SPRYD7: variants seen among roughly 807,000 people sequenced by gnomAD.
SPRYD7 encodes SPRY domain containing 7.
Under a neutral mutation model 23.8 loss-of-function variants are expected in SPRYD7, and 14 were observed. That is an observed-to-expected ratio of 0.59 (90% confidence interval 0.39 to 0.92). The LOEUF (loss-of-function observed/expected upper bound fraction) is 0.92, where lower values mean the gene tolerates loss of function less well. SPRYD7 is among the 40% of genes least tolerant of loss of function. The pLI is 0.00. For synonymous variants in SPRYD7, 75 were observed against 84.9 expected (o/e 0.88, Z 0.64); for missense variants, 194 against 241.7 (o/e 0.80, Z 1.31).
rs768928591 is a variant in SPRYD7 at position 49,915,080 on chromosome 13, C to T, written c.574G>A (p.Glu192Lys). 1.3e-6 allele frequency: 2 copies of T among 1,550,522 alleles called. No homozygotes were observed. Among genetic ancestry groups the T allele is most frequent in the South Asian group, 2.5e-5 (2 of 80,266 alleles). ...AAATACATTCAGAAGATTTGCTGTT[C>T]AAATAATATTTTTTCAAAACCAGGT... ...PPPGFEKILF[E>K]QQIF The change falls in exon 5 of 5, where the codon GAA becomes AAA. Residue 192 changes from glutamate (E) to lysine (K), a missense_variant. Transcript: ENST00000361840.
Position 49,936,178 on chromosome 13 carries a change from T to A in SPRYD7, c.58A>T (p.Ile20Phe). ...RCCRDGGTGH[I>F]PLKEMPAVQL... ...ACGGCCGGCATCTCCTTCAGAGGGA[T>A]GTGGCCAGTCCCCCCGTCTCTGCAG... Residue 20 changes from isoleucine (I) to phenylalanine (F), a missense_variant, in exon 1 of 5, where the codon ATC (isoleucine) becomes TTC (phenylalanine). Ile to Phe is a conservative substitution (Grantham distance 21). Transcript: ENST00000361840. 6.2e-7 allele frequency: 1 copy of A among 1,609,892 alleles called. No individual in the cohort carries two copies. Among genetic ancestry groups the A allele is most frequent in the Non-Finnish European group, 8.5e-7 (1 of 1,179,000 alleles).
chr13:49,921,442 T>A (rs142177258), intron 4 of SPRYD7, 36 bp downstream of exon 4: 6 of 1,275,304 alleles, frequency 4.7e-6, no homozygotes, highest in Non-Finnish European at 6.9e-6. Flanking sequence ...CAAGTTAATA[T>A]GTATGTAATA....
intron 3 of SPRYD7, 95 bp downstream of exon 3, chr13:49,927,824 A>G: frequency 7.2e-7 from 1 of 1,382,138 alleles, no homozygotes. Flanking sequence ...CTGCTTTGGA[A>G]TTCAAACCAC....
intron 3 of SPRYD7, among the ~76,000 whole-genome samples, chr13:49,925,776 C>T (rs1955875956): frequency 6.6e-6 from 1 of 151,182 alleles, no homozygotes; most frequent in South Asian, 2.1e-4. Context: ...AGCGCCACTG[C>T]ACTCCAGCCT....
intron 2 of SPRYD7, 123 bp from the exon 3 acceptor site, chr13:49,928,208 T>C: frequency 1.2e-6 from 1 of 818,032 alleles, no homozygotes; most frequent in African/African-American, 1.7e-5. Flanking sequence ...TTTCTATTAC[T>C]CTTTTTAAAA....
chr13:49,920,003 G>A (rs1955800286), intron 4 of SPRYD7, among the ~76,000 whole-genome samples: 1 of 151,820 alleles, frequency 6.6e-6, no homozygotes, highest in African/African-American at 2.4e-5. Context: ...CTGGCTGATG[G>A]GTATATGAGG....
intron 4 of SPRYD7, among the ~76,000 whole-genome samples, chr13:49,918,933 CT>C (rs898546288): frequency 4.1e-4 from 62 of 150,534 alleles, no homozygotes; most frequent in African/African-American, 1.2e-3. Context: ...CCAGGCTGGT[CT>C]CAAACTCCTG....
chr13:49,932,261 T>C (rs116292972), intron 1 of SPRYD7, among the ~76,000 whole-genome samples: 1,740 of 152,290 alleles, frequency 0.011, 26 homozygotes, highest in African/African-American at 0.04. Flanking sequence ...CACATCTATG[T>C]TGAAATACCT....
chr13:49,920,832 G>A (rs1955809875), intron 4 of SPRYD7, among the ~76,000 whole-genome samples: 1 of 151,972 alleles, frequency 6.6e-6, no homozygotes, highest in South Asian at 2.1e-4. Flanking sequence ...GTGGTGGCAG[G>A]CACCTGTAAT....
At chr13:49,919,959 A>G (rs1955799899) in intron 4 of SPRYD7, among the ~76,000 whole-genome samples, 1 of 151,784 alleles carries the variant, frequency 6.6e-6, no homozygotes, top group Non-Finnish European at 1.5e-5. Context: ...TGTAGATGAA[A>G]CCCGATTGGT....
intron 4 of SPRYD7, among the ~76,000 whole-genome samples, chr13:49,916,381 A>G (rs1235592586): frequency 6.6e-6 from 1 of 152,192 alleles, no homozygotes; most frequent in African/African-American, 2.4e-5. Context: ...AAATGTAAAT[A>G]CTGGATTTGA....
chr13:49,915,847 A>G (rs531973340), intron 4 of SPRYD7, among the ~76,000 whole-genome samples: 1 of 152,368 alleles, frequency 6.6e-6, no homozygotes, highest in East Asian at 1.9e-4. Flanking sequence ...ACACAATGCT[A>G]CACTTCTCAG....
At chr13:49,917,957 C>T (rs752142131) in intron 4 of SPRYD7, among the ~76,000 whole-genome samples, 1 of 152,188 alleles carries the variant, frequency 6.6e-6, no homozygotes, top group Non-Finnish European at 1.5e-5. Context: ...AAAAGGTAAT[C>T]ACAAGCTTTG....
In SPRYD7 at chr13:49,919,635, G is replaced by A. The variant is rs1049271593; in HGVS notation, c.493+1843C>T. Reference sequence around the variant, plus strand: ...CCAGCTACTCTGGAGGCTGAGGCACGAGAATATCTTGAACCCAGGAGGCGG... The same window carrying A: ...CCAGCTACTCTGGAGGCTGAGGCACAAGAATATCTTGAACCCAGGAGGCGG... On this transcript the variant is annotated intron_variant, in intron 4 of 4. Transcript: ENST00000361840. Among the ~76,000 whole-genome samples, 4 of 150,506 alleles carry A rather than the reference G, an allele frequency of 2.7e-5. No individual in the cohort carries two copies. The East Asian group carries it at 5.8e-4, about 22-fold the overall frequency.
chr13:49,926,334 C>T (rs1955882171), intron 3 of SPRYD7, among the ~76,000 whole-genome samples: 1 of 152,178 alleles, frequency 6.6e-6, no homozygotes, highest in African/African-American at 2.4e-5. Flanking sequence ...ACATTTGTTA[C>T]TGATTATCCT....
chr13:49,932,443 T>C (rs1429692595), intron 1 of SPRYD7, among the ~76,000 whole-genome samples: 1 of 152,232 alleles, frequency 6.6e-6, no homozygotes, highest in African/African-American at 2.4e-5. Flanking sequence ...AGAGAGACAC[T>C]GTCTCCTGAT....
At position 49,913,555 on chromosome 13, in the gene SPRYD7, C is replaced by T. The variant is rs1286475802; in HGVS notation, c.*1508G>A. 6.6e-6 allele frequency: 1 copy of T among 151,874 alleles called. No homozygotes were observed. Among genetic ancestry groups the T allele is most frequent in the Non-Finnish European group, 1.5e-5 (1 of 68,010 alleles). The allele number at this position is 151,874 out of a possible 1,614,324, so 9.4% of individuals were successfully genotyped here. ...TAATTTTTTTTGAGACAGAGTCTCA[C>T]TCTGTTGCCTAGGCTGGAGTGCAGT... On this transcript the variant is annotated 3_prime_UTR_variant, in exon 5 of 5. Coordinates refer to ENST00000361840, the MANE Select transcript of SPRYD7 (RefSeq NM_020456.4).
intron 2 of SPRYD7, among the ~76,000 whole-genome samples, chr13:49,928,556 C>G (rs1433105667): frequency 6.6e-6 from 1 of 152,218 alleles, no homozygotes; most frequent in Admixed American, 6.5e-5. Flanking sequence ...AGGATTAAAT[C>G]TTGACTCTGC....
intron 3 of SPRYD7, among the ~76,000 whole-genome samples, chr13:49,926,243 TCA>T (rs767672993): frequency 4.6e-5 from 7 of 152,238 alleles, no homozygotes; most frequent in African/African-American, 7.2e-5. Context: ...CTTCAGTCTG[TCA>T]CACTGTGCTA....
Sources: allele counts gnomAD v4.1 joint callset (sites outside exome capture counted in the v4.1 genomes callset), GRCh38; gene constraint gnomAD v4.1.1; transcripts MANE v1.5; gene names NCBI Gene and HGNC (gene_info 2026-07-23, HGNC 2026-07-21).